Variants in ASAP1 observed in about 807,000 individuals in gnomAD.
ASAP1 encodes the protein ArfGAP with SH3 domain, ankyrin repeat and PH domain 1, also known as arf-GAP with SH3 domain, ANK repeat and PH domain-containing protein 1.
A neutral mutation model predicts 145.2 loss-of-function variants in ASAP1; 43 were observed. The observed-to-expected ratio is 0.30, with a 90% CI of 0.23 to 0.38. The LOEUF is 0.38. ASAP1 is among the 10% of genes least tolerant of loss of function. ASAP1 has a pLI of 1.00. For missense variants in ASAP1, 1,018 were observed against 1,355.3 expected, an observed-to-expected ratio of 0.75 and a Z score of 3.91; for synonymous variants, 546 against 515.5, an observed-to-expected ratio of 1.06 and a Z score of -0.80.
chr8:130,338,982 G>C (rs1167248782), intron 3 of ASAP1, among the ~76,000 whole-genome samples: 1 of 152,172 alleles, frequency 6.6e-6, no homozygotes, highest in Non-Finnish European at 1.5e-5. Flanking sequence ...AAAGCACCTG[G>C]GCACTAATGA....
At chr8:130,295,850 C>A (rs1399747766) in intron 3 of ASAP1, among the ~76,000 whole-genome samples, 1 of 152,144 alleles carries the variant, frequency 6.6e-6, no homozygotes. Context: ...CAGATCTTAG[C>A]TATGCTACAT....
intron 3 of ASAP1, among the ~76,000 whole-genome samples, chr8:130,333,148 T>C (rs1369458668): frequency 6.6e-6 from 1 of 152,154 alleles, no homozygotes; most frequent in Non-Finnish European, 1.5e-5. Context: ...CATACTACCT[T>C]ATTATCTACT....
intron 14 of ASAP1, among the ~76,000 whole-genome samples, chr8:130,135,056 G>A (rs553800088): frequency 6.6e-6 from 1 of 152,100 alleles, no homozygotes; most frequent in Non-Finnish European, 1.5e-5. Flanking sequence ...TGGATACTTT[G>A]GGCTGGATGT....
intron 3 of ASAP1, among the ~76,000 whole-genome samples, chr8:130,242,121 A>G (rs1818563961): frequency 6.6e-6 from 1 of 152,004 alleles, no homozygotes; most frequent in Admixed American, 6.6e-5. Flanking sequence ...TGGCTAGCAC[A>G]AAGTCTTGAA....
At chr8:130,408,614 G>C (rs530956012) in intron 1 of ASAP1, among the ~76,000 whole-genome samples, 1 of 152,242 alleles carries the variant, frequency 6.6e-6, no homozygotes, top group African/African-American at 2.4e-5. Flanking sequence ...ATAAGGGTGA[G>C]CCAATTCCCT....
intron 5 of ASAP1, among the ~76,000 whole-genome samples, chr8:130,206,244 A>G (rs573684419): frequency 2.0e-5 from 3 of 152,238 alleles, no homozygotes; most frequent in African/African-American, 7.2e-5. Flanking sequence ...ATGATTGATG[A>G]CCATTTTTTT....
intron 1 of ASAP1, among the ~76,000 whole-genome samples, chr8:130,426,251 T>G (rs1829912893): frequency 6.6e-6 from 1 of 152,116 alleles, no homozygotes; most frequent in South Asian, 2.1e-4. Flanking sequence ...TGCTTCCCCT[T>G]CGCCTTCTAC....
intron 2 of ASAP1, among the ~76,000 whole-genome samples, chr8:130,401,327 C>A (rs1176190973): frequency 6.6e-6 from 1 of 152,096 alleles, no homozygotes; most frequent in South Asian, 2.1e-4. Context: ...CTCACTGCAA[C>A]CTTTGCCTCC....
At chr8:130,169,103 TA>T (rs397718112) in intron 9 of ASAP1, 36 bp from the exon 10 acceptor site, 6,566 of 1,032,658 alleles carry the variant, frequency 6.4e-3, no homozygotes, top group South Asian at 9.9e-3. Context: ...ACCACCAGTA[TA>T]AAAAAAAAAG....
chr8:130,218,215 CT>C (rs1186490928), intron 4 of ASAP1, among the ~76,000 whole-genome samples: 4 of 152,016 alleles, frequency 2.6e-5, no homozygotes, highest in Non-Finnish European at 4.4e-5. Context: ...ATCTGATATC[CT>C]TTTCTGATTT....
At chr8:130,141,984 C>T (rs1055120279) in intron 13 of ASAP1, among the ~76,000 whole-genome samples, 1 of 152,138 alleles carries the variant, frequency 6.6e-6, no homozygotes, top group African/African-American at 2.4e-5. Flanking sequence ...TCTCAAAGTG[C>T]TGAGATTATA....
chr8:130,306,353 C>G (rs1219173176), intron 3 of ASAP1, among the ~76,000 whole-genome samples: 12 of 152,194 alleles, frequency 7.9e-5, no homozygotes, highest in Non-Finnish European at 1.2e-4. Flanking sequence ...ACATAAGTGA[C>G]TTCTTTCCAG....
chr8:130,086,979 C>T (rs552983162), intron 25 of ASAP1, among the ~76,000 whole-genome samples: 35 of 152,304 alleles, frequency 2.3e-4, no homozygotes, highest in African/African-American at 8.2e-4. Context: ...TTATTTCCTC[C>T]TGCCTATTCC....
At chr8:130,080,101 G>T in intron 25 of ASAP1, 130 bp from the exon 26 acceptor site, 1 of 780,306 alleles carries the variant, frequency 1.3e-6, no homozygotes. Context: ...AAGCCAAAAC[G>T]GCATGCATTT....
intron 10 of ASAP1, 30 bp downstream of exon 10, chr8:130,168,962 T>C (rs2097685773): frequency 7.5e-7 from 1 of 1,332,916 alleles, no homozygotes. Flanking sequence ...GAAAGCAAGT[T>C]AAACTGCATG....
chr8:130,188,776 G>A (rs1056336441), intron 5 of ASAP1, among the ~76,000 whole-genome samples: 2 of 150,306 alleles, frequency 1.3e-5, no homozygotes, highest in South Asian at 4.2e-4. Flanking sequence ...TTTAGGTGGT[G>A]TAGCTCCAGA....
At chr8:130,140,821 A>G (rs7006336) in intron 13 of ASAP1, among the ~76,000 whole-genome samples, 25,817 of 152,232 alleles carry the variant, frequency 0.17, 2,688 homozygotes, top group East Asian at 0.44. Context: ...CCAAGTACGC[A>G]TAAGTTTTGA....
chr8:130,390,117 A>G lies in ASAP1; in HGVS notation c.59+11768T>C, dbSNP rs1476973531. Among the ~76,000 whole-genome samples the G allele has an allele frequency of 4.6e-5, 7 of 152,212 alleles. No homozygotes were observed. The South Asian group carries it at 1.0e-3, about 23-fold the overall frequency. ...TTTTTAACAGCTCCCCAGGTGACCC[A>G]CATGCATATTCAAGCATGAGAACCA... On this transcript the variant is annotated intron_variant, in intron 2 of 29. Transcript: ENST00000518721.
At position 130,086,655 on chromosome 8, in the gene ASAP1, T is replaced by C. The variant is rs549409349; in HGVS notation, c.2572+5318A>G. Among the ~76,000 whole-genome samples, 16 of 152,122 alleles carry C rather than the reference T, an allele frequency of 1.1e-4. No individual in the cohort carries two copies. In the East Asian group the frequency reaches 2.7e-3, roughly 26 times the overall value. ...CCCGTCTCCACAAAAAATACAAAAA[T>C]TAGCTGGGCATGGTGGTGCACACCT... On this transcript the variant is annotated intron_variant, in intron 25 of 29. Transcript: ENST00000518721.
Sources: allele counts gnomAD v4.1 joint callset (sites outside exome capture counted in the v4.1 genomes callset), GRCh38; gene constraint gnomAD v4.1.1; transcripts MANE v1.5; gene names NCBI Gene and HGNC (gene_info 2026-07-23, HGNC 2026-07-21).